The following DLGAP2 variants were observed in gnomAD, a reference collection of about 807,000 sequenced individuals.
DLGAP2 encodes the protein disks large-associated protein 2.
A neutral mutation model predicts 100.3 loss-of-function variants in DLGAP2; 26 were observed. The ratio of observed to expected loss-of-function variants is 0.26; its 90% CI spans 0.19 to 0.36. DLGAP2 has a LOEUF of 0.36. Ranked by LOEUF, DLGAP2 falls within the 10% of genes least tolerant of loss-of-function variation. DLGAP2 has a pLI of 1.00. For missense variants in DLGAP2, 1,858 were observed against 1,453.2 expected (o/e 1.28, Z -4.53); for synonymous variants, 886 against 630.1 (o/e 1.41, Z -6.08).
At chr8:1,431,536 G>A (rs376756358) in intron 3 of DLGAP2, among the ~76,000 whole-genome samples, 1 of 152,212 alleles carries the variant, frequency 6.6e-6, no homozygotes, top group African/African-American at 2.4e-5. Flanking sequence ...CAGCTGCCTG[G>A]CGCTCAGCAG....
chr8:1,377,539 G>A (rs4543569), intron 3 of DLGAP2, among the ~76,000 whole-genome samples: 39,962 of 151,922 alleles, frequency 0.26, 5,793 homozygotes, highest in Non-Finnish European at 0.32. Flanking sequence ...GCGAGACTCC[G>A]ACTCAAAAAA....
At chr8:1,030,697 G>C (rs905582538) in intron 2 of DLGAP2, among the ~76,000 whole-genome samples, 1 of 152,206 alleles carries the variant, frequency 6.6e-6, no homozygotes, top group Non-Finnish European at 1.5e-5. Context: ...TTGCTTTGCA[G>C]TTTTGCTTCA....
chr8:1,003,948 A>G (rs13251306), intron 2 of DLGAP2, among the ~76,000 whole-genome samples: 17,253 of 152,150 alleles, frequency 0.11, 1,289 homozygotes, highest in Non-Finnish European at 0.16. Context: ...CCCTCCCAAA[A>G]GATTGTAAAT....
At chr8:748,978 CAGG>C (rs1232858829) in intron 1 of DLGAP2, among the ~76,000 whole-genome samples, 1 of 152,216 alleles carries the variant, frequency 6.6e-6, no homozygotes, top group East Asian at 1.9e-4. Context: ...GGGAGGTGAG[CAGG>C]CTACTTTTGT....
intron 2 of DLGAP2, among the ~76,000 whole-genome samples, chr8:912,271 C>T (rs962054089): frequency 2.6e-5 from 4 of 152,096 alleles, no homozygotes; most frequent in Non-Finnish European, 5.9e-5. Context: ...TTCTAATTGA[C>T]AATGAATGTA....
intron 3 of DLGAP2, among the ~76,000 whole-genome samples, chr8:1,464,279 AG>A (rs1798550313): frequency 1.8e-5 from 2 of 112,298 alleles, no homozygotes; most frequent in Admixed American, 8.9e-5. Context: ...GCACCCTTCC[AG>A]GACAACGCCC....
chr8:1,056,804 A>G (rs1802895251), intron 2 of DLGAP2, among the ~76,000 whole-genome samples: 4 of 152,360 alleles, frequency 2.6e-5, no homozygotes, highest in African/African-American at 7.2e-5. Flanking sequence ...CAGCACTTAC[A>G]TCAGACCAGC....
chr8:1,654,399 C>T (rs926266126), intron 8 of DLGAP2, among the ~76,000 whole-genome samples: 4 of 152,118 alleles, frequency 2.6e-5, no homozygotes, highest in Non-Finnish European at 4.4e-5. Flanking sequence ...TGGTGGCTCA[C>T]GCCTGTAATC....
At chr8:978,842 C>G (rs1358671879) in intron 2 of DLGAP2, among the ~76,000 whole-genome samples, 1 of 152,174 alleles carries the variant, frequency 6.6e-6, no homozygotes, top group African/African-American at 2.4e-5. Context: ...GGTTTCTTTA[C>G]ACATTCCCAG....
intron 3 of DLGAP2, among the ~76,000 whole-genome samples, chr8:1,364,798 C>G (rs758596476): frequency 6.6e-6 from 1 of 152,208 alleles, no homozygotes; most frequent in Admixed American, 6.5e-5. Flanking sequence ...AGAGAGGGGA[C>G]GCTGTGCATT....
intron 2 of DLGAP2, among the ~76,000 whole-genome samples, chr8:1,197,879 G>T (rs992015626): frequency 1.3e-5 from 2 of 152,190 alleles, no homozygotes; most frequent in Non-Finnish European, 2.9e-5. Flanking sequence ...TGGGCCCCCT[G>T]CAGTGTTTCC....
chr8:1,678,768 C>A, intron 12 of DLGAP2, 139 bp downstream of exon 12: 2 of 881,992 alleles, frequency 2.3e-6, no homozygotes, highest in South Asian at 3.0e-5. Flanking sequence ...CTAGTATATC[C>A]CCCTCAATTC....
At chr8:1,203,547 A>C (rs1239379969) in intron 2 of DLGAP2, among the ~76,000 whole-genome samples, 1 of 152,194 alleles carries the variant, frequency 6.6e-6, no homozygotes, top group Non-Finnish European at 1.5e-5. Context: ...ACAGATGCTA[A>C]AGGTTCTCTT....
chr8:1,054,485 A>G (rs992916535), intron 2 of DLGAP2, among the ~76,000 whole-genome samples: 2 of 152,186 alleles, frequency 1.3e-5, no homozygotes. Context: ...TTTTTACATA[A>G]GTGCTGTCAT....
intron 3 of DLGAP2, among the ~76,000 whole-genome samples, chr8:1,460,647 T>C (rs1209797307): frequency 6.6e-6 from 1 of 152,228 alleles, no homozygotes; most frequent in African/African-American, 2.4e-5. Context: ...GACAGATAAT[T>C]TCTTGTGCAT....
Position 1,195,056 on chromosome 8 carries a change from C to T in DLGAP2, c.74-63795C>T, listed in dbSNP as rs112268651. 1.2e-3 allele frequency among the ~76,000 whole-genome samples: 182 copies of T among 152,370 alleles called. 1 individual carries two copies. Among genetic ancestry groups the T allele is most frequent in the African/African-American group, 4.1e-3 (170 of 41,596 alleles). On this transcript the variant is annotated intron_variant, in intron 2 of 14. Coordinates refer to ENST00000637795, the MANE Select transcript of DLGAP2 (RefSeq NM_001346810.2). ...ACACTTTGTTCGTTTCAGAGGCGTC[C>T]GCCCCAGCATGAGTGCTCAAGCTCT... is the stretch of plus-strand genomic sequence containing the variant.
intron 6 of DLGAP2, among the ~76,000 whole-genome samples, chr8:1,566,928 G>C (rs771356566): frequency 2.0e-5 from 3 of 152,256 alleles, no homozygotes; most frequent in Non-Finnish European, 4.4e-5. Flanking sequence ...AGGAATGCCA[G>C]ACAAGTCATG....
At chr8:1,391,176 A>G (rs1796342589) in intron 3 of DLGAP2, among the ~76,000 whole-genome samples, 1 of 152,224 alleles carries the variant, frequency 6.6e-6, no homozygotes, top group Non-Finnish European at 1.5e-5. Context: ...TGGGAATTGG[A>G]AAGATTAACT....
At chr8:1,264,019 C>T (rs772529455) in intron 3 of DLGAP2, among the ~76,000 whole-genome samples, 4 of 152,160 alleles carry the variant, frequency 2.6e-5, no homozygotes, top group Admixed American at 2.6e-4. Flanking sequence ...AGAAAACAGT[C>T]TCTAGGGTAA....
Sources: gnomAD v4.1 joint callset for allele counts (sites outside exome capture counted in the v4.1 genomes callset) on GRCh38, gnomAD v4.1.1 for gene constraint, MANE v1.5 for transcripts, NCBI Gene and HGNC (gene_info 2026-07-23, HGNC 2026-07-21) for gene names.